The following PRELID2 variants were observed in gnomAD, a reference collection of about 807,000 sequenced individuals.
PRELID2 encodes the protein PRELI domain-containing protein 2.
Under a neutral mutation model 28.4 loss-of-function variants are expected in PRELID2, and 25 were observed. The observed-to-expected ratio is 0.88, with a 90% CI of 0.64 to 1.23. The LOEUF is 1.23. Ranked by LOEUF, PRELID2 falls within the 50% of genes most tolerant of loss-of-function variation. The pLI is 0.00. For missense variants in PRELID2, 201 were observed against 214.4 expected (o/e 0.94, Z 0.39); for synonymous variants, 76 against 71.6 (o/e 1.06, Z -0.31).
chr5:145,463,822 C>G, the PRELID2 span, among the ~76,000 whole-genome samples: 1 of 152,192 alleles, frequency 6.6e-6, no homozygotes, highest in South Asian at 2.1e-4. Flanking sequence ...TGCCACATGG[C>G]AGTAACTTAA....
chr5:145,729,096 G>A (rs1414453868), intron 1 of PRELID2: 3 of 593,120 alleles, frequency 5.1e-6, no homozygotes, highest in East Asian at 5.5e-5. Context: ...CTTTCACTTG[G>A]TCCCATTGTT....
chr5:145,568,666 A>C (rs573221475), intron 1 of PRELID2, among the ~76,000 whole-genome samples: 1 of 152,224 alleles, frequency 6.6e-6, no homozygotes, highest in African/African-American at 2.4e-5. Context: ...TTGCTATTGC[A>C]CTTTTAGGTC....
At chr5:145,652,508 G>A (rs555706501) in intron 1 of PRELID2, among the ~76,000 whole-genome samples, 16 of 152,310 alleles carry the variant, frequency 1.1e-4, no homozygotes, top group Non-Finnish European at 1.8e-4. Context: ...GAGAAAGGTC[G>A]GGTTACCCAC....
chr5:145,596,013 A>G (rs1285965860), intron 1 of PRELID2, among the ~76,000 whole-genome samples: 1 of 149,790 alleles, frequency 6.7e-6, no homozygotes, highest in African/African-American at 2.5e-5. Flanking sequence ...CCAGGAGGTG[A>G]GCTCAGGAAG....
the PRELID2 span, among the ~76,000 whole-genome samples, chr5:145,431,389 T>G: frequency 6.6e-6 from 1 of 152,170 alleles, no homozygotes; most frequent in African/African-American, 2.4e-5. Context: ...AATAAACGGA[T>G]AAACTGAAAG....
At chr5:145,500,308 C>A (rs1752348519) in intron 1 of PRELID2, among the ~76,000 whole-genome samples, 1 of 152,050 alleles carries the variant, frequency 6.6e-6, no homozygotes, top group Non-Finnish European at 1.5e-5. Flanking sequence ...TCACTTTCAT[C>A]CTTCTTCTCT....
the PRELID2 span, among the ~76,000 whole-genome samples, chr5:145,259,717 C>T: frequency 6.6e-6 from 1 of 152,154 alleles, no homozygotes. Context: ...GCAGAAGGGA[C>T]TAGCCTTGTC....
chr5:145,510,315 T>C (rs531299305), intron 1 of PRELID2, among the ~76,000 whole-genome samples: 2 of 152,206 alleles, frequency 1.3e-5, no homozygotes, highest in Non-Finnish European at 2.9e-5. Context: ...TTTAGAAATA[T>C]ATAGAATATT....
At chr5:145,495,149 GCT>G (rs1038870011) in intron 1 of PRELID2, among the ~76,000 whole-genome samples, 1 of 152,036 alleles carries the variant, frequency 6.6e-6, no homozygotes, top group Admixed American at 6.6e-5. Flanking sequence ...AAGCCATGTT[GCT>G]CAATCCAGTA....
At chr5:145,763,556 T>C (rs1331180775) in intron 6 of PRELID2, among the ~76,000 whole-genome samples, 1 of 152,190 alleles carries the variant, frequency 6.6e-6, no homozygotes, top group Non-Finnish European at 1.5e-5. Context: ...CATTCACAGG[T>C]CTGGACAGCA....
chr5:145,232,756 C>T, the PRELID2 span, among the ~76,000 whole-genome samples: 19 of 152,050 alleles, frequency 1.2e-4, no homozygotes, highest in African/African-American at 4.6e-4. Context: ...TATATCACCT[C>T]TTCATGTTCA....
At chr5:145,633,538 C>T (rs1172220835) in intron 1 of PRELID2, among the ~76,000 whole-genome samples, 8 of 152,312 alleles carry the variant, frequency 5.3e-5, no homozygotes, top group Non-Finnish European at 1.5e-5. Context: ...AGAAAAGCAG[C>T]TCCAATTATC....
intron 1 of PRELID2, among the ~76,000 whole-genome samples, chr5:145,696,156 C>CTTTTTTTTTTTTTTTTTTT (rs10591669): frequency 1.7e-5 from 1 of 60,020 alleles, no homozygotes; most frequent in Non-Finnish European, 3.6e-5. Flanking sequence ...TAAATAATAG[C>CTTTTTTTTTTTTTTTTTTT]TTTTTTTTTT....
At chr5:145,423,201 A>G in the PRELID2 span, among the ~76,000 whole-genome samples, 1 of 151,256 alleles carries the variant, frequency 6.6e-6, no homozygotes, top group Non-Finnish European at 1.5e-5. Context: ...GGTGAATCTG[A>G]CAATTATGTG....
chr5:145,449,424 G>T, the PRELID2 span, among the ~76,000 whole-genome samples: 1 of 152,226 alleles, frequency 6.6e-6, no homozygotes, highest in East Asian at 1.9e-4. Flanking sequence ...ACTGTCCCCA[G>T]TTGAACTCCC....
intron 1 of PRELID2, among the ~76,000 whole-genome samples, chr5:145,713,009 A>G (rs958817471): frequency 1.3e-5 from 2 of 151,992 alleles, no homozygotes; most frequent in Admixed American, 6.6e-5. Context: ...AAATACATAC[A>G]GAAAAAAGAA....
chr5:145,282,705 G>A, the PRELID2 span, among the ~76,000 whole-genome samples: 3 of 151,918 alleles, frequency 2.0e-5, no homozygotes, highest in Admixed American at 2.0e-4. Context: ...TTTTAGTAGA[G>A]ACAGGGTTTC....
intron 1 of PRELID2, among the ~76,000 whole-genome samples, chr5:145,617,821 C>A (rs139810962): frequency 0.023 from 3,441 of 151,918 alleles, 135 homozygotes; most frequent in African/African-American, 0.078. Context: ...GCAACCTCCA[C>A]CTCCCAGGTT....
chr5:145,323,536 G>T, the PRELID2 span, among the ~76,000 whole-genome samples: 3 of 152,098 alleles, frequency 2.0e-5, no homozygotes, highest in Admixed American at 6.5e-5. Flanking sequence ...CATGTTGTGG[G>T]GGGTTTGGTG....
Sources: allele counts gnomAD v4.1 joint callset (sites outside exome capture counted in the v4.1 genomes callset), GRCh38; gene constraint gnomAD v4.1.1; transcripts MANE v1.5; gene names NCBI Gene and HGNC (gene_info 2026-07-23, HGNC 2026-07-21).